Variants in GRIN2A observed in about 807,000 individuals in gnomAD.
GRIN2A encodes glutamate ionotropic receptor NMDA type subunit 2A.
In GRIN2A, 22 loss-of-function variants were observed where a neutral mutation model predicts 113.4. The observed-to-expected ratio is 0.19, with a 90% confidence interval of 0.14 to 0.28. The LOEUF (loss-of-function observed/expected upper bound fraction) is 0.28. GRIN2A is among the 10% of genes least tolerant of loss of function. GRIN2A has a pLI of 1.00. For synonymous variants in GRIN2A, 827 were observed against 738.4 expected (o/e 1.12, Z -1.94); for missense variants, 1,502 against 1,887.0 (o/e 0.80, Z 3.78).
chr16:10,083,912 G>A (rs2048034190), intron 2 of GRIN2A, among the ~76,000 whole-genome samples: 2 of 152,144 alleles, frequency 1.3e-5, no homozygotes, highest in African/African-American at 4.8e-5. Context: ...GATCAGCCTG[G>A]CCAACATGGT....
At chr16:10,023,882 G>A (rs1039952170) in intron 2 of GRIN2A, among the ~76,000 whole-genome samples, 2 of 152,226 alleles carry the variant, frequency 1.3e-5, no homozygotes, top group African/African-American at 4.8e-5. Flanking sequence ...AAACATTGCA[G>A]TGATGACACA....
At chr16:9,806,427 A>C (rs1431541809) in intron 10 of GRIN2A, among the ~76,000 whole-genome samples, 5 of 151,938 alleles carry the variant, frequency 3.3e-5, no homozygotes, top group African/African-American at 4.8e-5. Context: ...TGTGTGGCTT[A>C]TTTTTTTTAC....
At chr16:9,769,114 G>T in intron 11 of GRIN2A, 25 bp from the exon 12 acceptor site, 2 of 1,564,590 alleles carry the variant, frequency 1.3e-6, no homozygotes, top group Non-Finnish European at 1.8e-6. Flanking sequence ...ACATTCACAG[G>T]CAGTGAGGAC....
intron 3 of GRIN2A, among the ~76,000 whole-genome samples, chr16:9,919,518 G>A (rs2044318386): frequency 6.6e-6 from 1 of 152,076 alleles, no homozygotes; most frequent in South Asian, 2.1e-4. Flanking sequence ...TGCATGGTAA[G>A]GAGAAGAGAA....
At chr16:9,860,141 A>T (rs1377366068) in intron 4 of GRIN2A, among the ~76,000 whole-genome samples, 1 of 151,792 alleles carries the variant, frequency 6.6e-6, no homozygotes, top group African/African-American at 2.4e-5. Context: ...GAATCCAAAA[A>T]ATGCTTCTAA....
At chr16:9,835,705 C>G (rs2042573395) in intron 7 of GRIN2A, among the ~76,000 whole-genome samples, 1 of 152,086 alleles carries the variant, frequency 6.6e-6, no homozygotes, top group Non-Finnish European at 1.5e-5. Context: ...CCTAGTGAAG[C>G]TACTTATAAT....
At chr16:10,134,540 T>C (rs142702038) in intron 2 of GRIN2A, among the ~76,000 whole-genome samples, 2 of 152,152 alleles carry the variant, frequency 1.3e-5, no homozygotes, top group African/African-American at 4.8e-5. Flanking sequence ...GATGAGTTGA[T>C]GGGTGCAGCA....
chr16:10,064,217 T>C (rs188347978), intron 2 of GRIN2A, among the ~76,000 whole-genome samples: 132 of 152,260 alleles, frequency 8.7e-4, no homozygotes, highest in African/African-American at 2.9e-3. Context: ...GACTCTTCTA[T>C]TTTTCAAACA....
At chr16:9,912,233 T>C (rs573281113) in intron 3 of GRIN2A, among the ~76,000 whole-genome samples, 3 of 152,038 alleles carry the variant, frequency 2.0e-5, no homozygotes, top group South Asian at 2.1e-4. Context: ...GCAATGATGA[T>C]AGATAATGAT....
intron 7 of GRIN2A, among the ~76,000 whole-genome samples, chr16:9,836,063 T>G (rs1027085184): frequency 3.3e-5 from 5 of 152,218 alleles, no homozygotes; most frequent in Non-Finnish European, 5.9e-5. Context: ...AATACTGAGT[T>G]GTATCCAAAA....
At chr16:10,037,790 T>A (rs916330385) in intron 2 of GRIN2A, among the ~76,000 whole-genome samples, 2 of 152,146 alleles carry the variant, frequency 1.3e-5, no homozygotes, top group African/African-American at 4.8e-5. Flanking sequence ...ACCCAGCTAA[T>A]TTTTGTATTA....
chr16:9,848,337 T>A (rs1235361315), intron 5 of GRIN2A, among the ~76,000 whole-genome samples: 1 of 150,826 alleles, frequency 6.6e-6, no homozygotes, highest in Non-Finnish European at 1.5e-5. Context: ...TGCTTCAGCC[T>A]CCTGAGTAGC....
At chr16:10,007,332 A>C (rs1375450772) in intron 2 of GRIN2A, among the ~76,000 whole-genome samples, 1 of 152,196 alleles carries the variant, frequency 6.6e-6, no homozygotes, top group Non-Finnish European at 1.5e-5. Context: ...TTTTAGCTGG[A>C]GTGAGATAAC....
intron 2 of GRIN2A, among the ~76,000 whole-genome samples, chr16:10,068,992 G>A (rs1427452098): frequency 6.6e-6 from 1 of 152,140 alleles, no homozygotes; most frequent in Non-Finnish European, 1.5e-5. Flanking sequence ...GTGGGGAGCA[G>A]GTGGCAAGAG....
intron 2 of GRIN2A, among the ~76,000 whole-genome samples, chr16:10,075,819 A>C (rs2142042434): frequency 6.6e-6 from 1 of 152,296 alleles, no homozygotes; most frequent in Middle Eastern, 3.4e-3. Context: ...TAGCTGCTCT[A>C]AATATCCAAA....
intron 3 of GRIN2A, among the ~76,000 whole-genome samples, chr16:9,908,725 G>T (rs751071411): frequency 1.6e-4 from 25 of 152,246 alleles, no homozygotes; most frequent in Non-Finnish European, 2.4e-4. Flanking sequence ...GCTGGCCAGG[G>T]CTGTGTGGGA....
chr16:10,068,482 C>G (rs1390330165), intron 2 of GRIN2A, among the ~76,000 whole-genome samples: 1 of 152,158 alleles, frequency 6.6e-6, no homozygotes, highest in Non-Finnish European at 1.5e-5. Flanking sequence ...GGGGGAAGTG[C>G]TATACACTTT....
intron 2 of GRIN2A, chr16:10,112,874 GC>G: frequency 1.9e-6 from 1 of 517,280 alleles, no homozygotes; most frequent in Non-Finnish European, 3.7e-6. Flanking sequence ...ACCAGAAGCA[GC>G]TGTACTGAGG....
intron 2 of GRIN2A, among the ~76,000 whole-genome samples, chr16:9,978,244 A>G (rs1274239007): frequency 2.0e-5 from 3 of 152,220 alleles, no homozygotes; most frequent in Admixed American, 6.5e-5. Flanking sequence ...CTCACTTTTC[A>G]AAGTATCCAC....
Sources: allele counts gnomAD v4.1 joint callset (sites outside exome capture counted in the v4.1 genomes callset), GRCh38; gene constraint gnomAD v4.1.1; transcripts MANE v1.5; gene names NCBI Gene and HGNC (gene_info 2026-07-23, HGNC 2026-07-21).